Variants in PTPRQ observed in about 807,000 individuals in gnomAD.
PTPRQ encodes phosphatidylinositol phosphatase PTPRQ.
PTPRQ carries 199 observed loss-of-function variants against 246.0 expected under a neutral mutation model. That is an observed-to-expected ratio of 0.81 (90% CI 0.72 to 0.91). The LOEUF (loss-of-function observed/expected upper bound fraction) is 0.91, where lower values mean the gene tolerates loss of function less well. Among genes scored for constraint, PTPRQ ranks in the 40% least tolerant of loss-of-function variants. PTPRQ has a pLI of 0.00. For missense variants in PTPRQ, 2,624 were observed against 2,528.4 expected (o/e 1.04, Z -0.81); for synonymous variants, 869 against 853.2 (o/e 1.02, Z -0.32).
intron 35 of PTPRQ, among the ~76,000 whole-genome samples, chr12:80,639,135 T>G (rs151265081): frequency 6.6e-6 from 1 of 152,286 alleles, no homozygotes; most frequent in African/African-American, 2.4e-5. Context: ...ACCTTGTGGA[T>G]TGCCTTTAAC....
At chr12:80,562,256 T>C (rs1896849812) in intron 25 of PTPRQ, among the ~76,000 whole-genome samples, 1 of 152,184 alleles carries the variant, frequency 6.6e-6, no homozygotes, top group Non-Finnish European at 1.5e-5. Flanking sequence ...AGTTTGCTTT[T>C]TTGCACTGCC....
chr12:80,605,745 G>A (rs76220316), intron 27 of PTPRQ, among the ~76,000 whole-genome samples: 10,186 of 150,922 alleles, frequency 0.067, 416 homozygotes, highest in East Asian at 0.13. Flanking sequence ...CCAGGCTATA[G>A]CATTAAAAAA....
At chr12:80,647,425 C>G (rs907752774) in intron 35 of PTPRQ, among the ~76,000 whole-genome samples, 3 of 152,088 alleles carry the variant, frequency 2.0e-5, no homozygotes, top group Admixed American at 2.0e-4. Context: ...TTCTGAAGAA[C>G]AAGGTATCAT....
intron 43 of PTPRQ, among the ~76,000 whole-genome samples, chr12:80,674,639 C>T (rs1397516372): frequency 6.6e-6 from 1 of 151,842 alleles, no homozygotes; most frequent in East Asian, 1.9e-4. Context: ...AAATTGTAAA[C>T]ATAAATAAAA....
At chr12:80,452,771 C>T (rs1459454137) in intron 3 of PTPRQ, among the ~76,000 whole-genome samples, 2 of 152,142 alleles carry the variant, frequency 1.3e-5, no homozygotes, top group East Asian at 1.9e-4. Context: ...GTGGGTAACC[C>T]GACCTTTCTC....
intron 25 of PTPRQ, among the ~76,000 whole-genome samples, chr12:80,551,672 T>C (rs1488983278): frequency 6.6e-6 from 1 of 152,152 alleles, no homozygotes; most frequent in Admixed American, 6.6e-5. Context: ...CTCATTCTCA[T>C]TGTCTAGAAA....
At chr12:80,457,717 T>C (rs534698075) in intron 4 of PTPRQ, 73 bp downstream of exon 4, 561 of 398,894 alleles carry the variant, frequency 1.4e-3, no homozygotes, top group Non-Finnish European at 1.8e-3. Context: ...AGAACATAAA[T>C]AAAAACTGAC....
At chr12:80,453,634 C>G (rs1448754172) in intron 3 of PTPRQ, among the ~76,000 whole-genome samples, 1 of 116,952 alleles carries the variant, frequency 8.6e-6, no homozygotes, top group Non-Finnish European at 1.8e-5. Flanking sequence ...AGGTCTACTC[C>G]AGACCCTGTT....
At position 80,579,211 on chromosome 12, in the gene PTPRQ, A is replaced by G. The variant is rs114071851; in HGVS notation, c.4286-8918A>G. Among the ~76,000 whole-genome samples, 1,023 of 152,274 alleles carry G rather than the reference A, an allele frequency of 6.7e-3. 13 individuals carry two copies. Among genetic ancestry groups the G allele is most frequent in the African/African-American group, 0.023 (974 of 41,532 alleles). On this transcript the variant is annotated intron_variant, in intron 25 of 44. Transcript: ENST00000644991. ...TGAAGGCTCAGACTTTTAAGTTTAT[A>G]TGTCACTAATTAATCTCTGTCTGTT... is the stretch of plus-strand genomic sequence containing the variant.
chr12:80,459,254 T>G lies in PTPRQ; in HGVS notation c.461-30T>G, dbSNP rs142043759. On this transcript the variant is annotated intron_variant, in intron 4 of 44. Coordinates refer to ENST00000644991, the MANE Select transcript of PTPRQ (RefSeq NM_001145026.2). ...GCAATTCTAAGTTTTATAACAAAGTTTTTTCCTTCCCAATCTTTCTCTTCC... is the reference window on the plus strand; with the variant it reads ...GCAATTCTAAGTTTTATAACAAAGTGTTTTCCTTCCCAATCTTTCTCTTCC... 971 of 398,244 alleles carry G rather than the reference T, an allele frequency of 2.4e-3. 9 individuals are homozygous for G. The highest frequency in any genetic ancestry group is 0.018 in the African/African-American group (876 of 48,730). 24.7% of individuals were successfully genotyped at this position (398,244 alleles called of 1,614,324 possible).
At chr12:80,516,288 C>T (rs1790492609) in intron 17 of PTPRQ, among the ~76,000 whole-genome samples, 1 of 152,088 alleles carries the variant, frequency 6.6e-6, no homozygotes, top group African/African-American at 2.4e-5. Flanking sequence ...CTTTAGGAAA[C>T]TTCTAAGAGA....
rs1224498529 is a variant in PTPRQ, at chr12:80,506,049, C to T, written c.2298C>T (p.Ile766=). The T allele has an allele frequency of 6.5e-7, 1 of 1,546,086 alleles. No homozygotes were observed. The highest frequency in any genetic ancestry group is 1.2e-5 in the South Asian group (1 of 82,488). The change falls in exon 15 of 45, where the codon ATC becomes ATT. Residue 766 remains isoleucine (I), a synonymous_variant. Coordinates refer to ENST00000644991, the MANE Select transcript of PTPRQ (RefSeq NM_001145026.2). ...ETVPDSAPEN[I]TYKNISSGEI... is the part of the protein sequence containing the mutation. ...TGCCTGATAGTGCACCAGAAAATAT[C>T]ACTTACAAAAATATTTCTTCTGGAG...
chr12:80,445,753 C>T (rs764016474), intron 3 of PTPRQ, 36 bp downstream of exon 3: 77 of 1,320,388 alleles, frequency 5.8e-5, no homozygotes, highest in Non-Finnish European at 7.7e-5. Context: ...AGTGTTCAAA[C>T]ATTTCATTCA....
chr12:80,547,996 A>G (rs1387944661), intron 24 of PTPRQ, among the ~76,000 whole-genome samples: 1 of 152,184 alleles, frequency 6.6e-6, no homozygotes, highest in African/African-American at 2.4e-5. Flanking sequence ...AAGAGTGGAC[A>G]TGACTGCAGG....
At chr12:80,634,903 T>C (rs1233730070) in intron 34 of PTPRQ, 42 bp from the exon 35 acceptor site, 5 of 1,544,218 alleles carry the variant, frequency 3.2e-6, no homozygotes, top group African/African-American at 1.4e-5. Context: ...TTATATACTT[T>C]GTGTGAAACT....
At chr12:80,508,739 G>A (rs753194780) in intron 16 of PTPRQ, among the ~76,000 whole-genome samples, 9 of 152,102 alleles carry the variant, frequency 5.9e-5, no homozygotes, top group Admixed American at 2.0e-4. Context: ...GTCTGCTACA[G>A]TGGATGTACA....
chr12:80,459,982 A>T (rs1011534033), intron 5 of PTPRQ, among the ~76,000 whole-genome samples: 3 of 152,188 alleles, frequency 2.0e-5, no homozygotes, highest in African/African-American at 7.2e-5. Context: ...TTTGGTAAAG[A>T]ATTTGTCGTT....
At chr12:80,520,765 G>A (rs1191329873) in intron 17 of PTPRQ, among the ~76,000 whole-genome samples, 1 of 151,984 alleles carries the variant, frequency 6.6e-6, no homozygotes, top group Non-Finnish European at 1.5e-5. Flanking sequence ...TATCATTGTT[G>A]GACATTTGGG....
intron 25 of PTPRQ, among the ~76,000 whole-genome samples, chr12:80,579,723 G>C (rs1346606282): frequency 6.6e-6 from 1 of 151,960 alleles, no homozygotes; most frequent in Admixed American, 6.6e-5. Flanking sequence ...TTCCATTTTT[G>C]TATTGATCCA....
Sources: gnomAD v4.1 joint callset for allele counts (sites outside exome capture counted in the v4.1 genomes callset) on GRCh38, gnomAD v4.1.1 for gene constraint, MANE v1.5 for transcripts, NCBI Gene and HGNC (gene_info 2026-07-23, HGNC 2026-07-21) for gene names.